Variants in SUPT3H observed in about 807,000 individuals in gnomAD.
SUPT3H encodes transcription initiation protein SPT3 homolog.
SUPT3H carries 44 observed loss-of-function variants against 44.3 expected under a neutral mutation model. That is an observed-to-expected ratio of 0.99 (90% CI 0.78 to 1.28). The LOEUF (loss-of-function observed/expected upper bound fraction) is 1.28, where lower values mean the gene tolerates loss of function less well. SUPT3H is among the 50% of genes most tolerant of loss of function. SUPT3H has a pLI of 0.00. For synonymous variants in SUPT3H, 124 were observed against 125.6 expected (o/e 0.99, Z 0.09); for missense variants, 380 against 387.1 (o/e 0.98, Z 0.15).
chr6:45,315,028 A>G (rs140971457), intron 2 of SUPT3H, among the ~76,000 whole-genome samples: 2 of 152,244 alleles, frequency 1.3e-5, no homozygotes, highest in Admixed American at 1.3e-4. Context: ...ACAAAAACAT[A>G]AAGTGGGGAA....
chr6:45,161,868 T>A (rs1193930967), intron 2 of SUPT3H, among the ~76,000 whole-genome samples: 1 of 152,172 alleles, frequency 6.6e-6, no homozygotes, highest in East Asian at 1.9e-4. Flanking sequence ...AATTCAAATG[T>A]CTTTATCACT....
chr6:44,948,316 G>A (rs1174702138), intron 9 of SUPT3H, among the ~76,000 whole-genome samples: 4 of 152,146 alleles, frequency 2.6e-5, no homozygotes, highest in Non-Finnish European at 5.9e-5. Context: ...ATACCATTCA[G>A]GACATAGGCA....
At chr6:45,077,179 A>G (rs1484259078) in intron 3 of SUPT3H, among the ~76,000 whole-genome samples, 1 of 152,050 alleles carries the variant, frequency 6.6e-6, no homozygotes, top group African/African-American at 2.4e-5. Context: ...CCCTTTTTGA[A>G]CCACTGTGAC....
chr6:45,283,283 A>G (rs956650693), intron 2 of SUPT3H, among the ~76,000 whole-genome samples: 1 of 152,196 alleles, frequency 6.6e-6, no homozygotes, highest in African/African-American at 2.4e-5. Flanking sequence ...TAAAAGACAC[A>G]CACTGCCAAA....
intron 2 of SUPT3H, among the ~76,000 whole-genome samples, chr6:45,364,029 C>T (rs544919076): frequency 6.6e-6 from 1 of 151,756 alleles, no homozygotes; most frequent in African/African-American, 2.4e-5. Context: ...GCAGGAAAAT[C>T]GCTTCAACCT....
rs1017280654 is a variant in SUPT3H at position 44,826,915 on chromosome 6, C to A, written c.*2901G>T. On this transcript the variant is annotated 3_prime_UTR_variant, in exon 11 of 11. Coordinates refer to ENST00000371459, the MANE Select transcript of SUPT3H (RefSeq NM_003599.4). ...TTCTGATGGTTTTCAAATAAAAAGT[C>A]TTGGTTTTAAAATTGAAACAGTATT... 6.6e-6 allele frequency among the ~76,000 whole-genome samples: 1 copy of A among 152,106 alleles called. No homozygotes were observed. Among genetic ancestry groups the A allele is most frequent in the South Asian group, 2.1e-4 (1 of 4,830 alleles).
chr6:45,270,310 T>C (rs1472527299), intron 2 of SUPT3H, among the ~76,000 whole-genome samples: 6 of 151,136 alleles, frequency 4.0e-5, no homozygotes, highest in Non-Finnish European at 8.9e-5. Context: ...AAAAAAAAAG[T>C]GGTTGACAGA....
rs60921436 is a variant in SUPT3H at position 45,296,738 on chromosome 6, C to CAAAA, written c.101+68459_101+68462dup. On this transcript the variant is annotated intron_variant, in intron 2 of 10. Coordinates refer to ENST00000371459, the MANE Select transcript of SUPT3H (RefSeq NM_003599.4). ...TGGCCAACAGAGTAAGACTCTGTCT[C>CAAAA]AAAAAAAAAAAAAAAAAAAAAAAAA... Among the ~76,000 whole-genome samples the CAAAA allele has an allele frequency of 9.1e-4, 27 of 29,694 alleles. 1 individual carries two copies. The highest frequency in any genetic ancestry group is 3.1e-3 in the South Asian group (1 of 322). 19.5% of individuals were successfully genotyped at this position (29,694 alleles called of 152,430 possible).
chr6:45,033,717 C>G (rs932630743), intron 3 of SUPT3H, among the ~76,000 whole-genome samples: 3 of 152,046 alleles, frequency 2.0e-5, no homozygotes, highest in African/African-American at 7.2e-5. Flanking sequence ...GGAAGCCAGA[C>G]TATATTAAGG....
At chr6:45,218,370 G>T (rs1378216477) in intron 2 of SUPT3H, among the ~76,000 whole-genome samples, 1 of 151,996 alleles carries the variant, frequency 6.6e-6, no homozygotes, top group Non-Finnish European at 1.5e-5. Flanking sequence ...TGATAGAGCT[G>T]GAAAAAAAAT....
chr6:45,306,424 C>T (rs958831453), intron 2 of SUPT3H, among the ~76,000 whole-genome samples: 6 of 152,118 alleles, frequency 3.9e-5, no homozygotes, highest in African/African-American at 7.2e-5. Context: ...CTAAAATCAA[C>T]CTCGGCTGGC....
In SUPT3H at chr6:45,061,141, G is replaced by A. The variant is rs1308145041; in HGVS notation, c.187-40509C>T. On this transcript the variant is annotated intron_variant, in intron 3 of 10. Transcript: ENST00000371459. The stretch of plus-strand genomic sequence containing the variant: ...AAATCATTCAATTATAAAGATACAT[G>A]CATGTTTATGTTCACTGCAGCACTA... Among the ~76,000 whole-genome samples the A allele has an allele frequency of 2.0e-5, 3 of 152,048 alleles. 1 individual carries two copies. The highest frequency in any genetic ancestry group is 4.1e-4 in the South Asian group (2 of 4,822).
At chr6:45,102,162 A>G (rs1187683851) in intron 3 of SUPT3H, among the ~76,000 whole-genome samples, 1 of 152,184 alleles carries the variant, frequency 6.6e-6, no homozygotes, top group Non-Finnish European at 1.5e-5. Flanking sequence ...TAATATTATA[A>G]AAACTAACAA....
At position 45,096,235 on chromosome 6, in the gene SUPT3H, T is replaced by C. The variant is rs546727392; in HGVS notation, c.186+9687A>G. ...CCAATATTCAATCATTTATAGCCTG[T>C]AAATATGTCAATTTCATTTGGTTCA... On this transcript the variant is annotated intron_variant, in intron 3 of 10. Coordinates refer to ENST00000371459, the MANE Select transcript of SUPT3H (RefSeq NM_003599.4). Among the ~76,000 whole-genome samples, 19 of 152,300 alleles carry C rather than the reference T, an allele frequency of 1.2e-4. 1 individual carries two copies. In the South Asian group the frequency reaches 3.9e-3, roughly 32 times the overall value.
At chr6:45,335,776 C>T (rs981850604) in intron 2 of SUPT3H, among the ~76,000 whole-genome samples, 4 of 151,204 alleles carry the variant, frequency 2.6e-5, no homozygotes, top group Non-Finnish European at 4.5e-5. Flanking sequence ...ACAACAGCAT[C>T]TTAACATTAG....
chr6:44,844,279 T>C (rs949270616), intron 10 of SUPT3H, among the ~76,000 whole-genome samples: 3 of 152,096 alleles, frequency 2.0e-5, no homozygotes, highest in Non-Finnish European at 4.4e-5. Flanking sequence ...CAAGTAACCA[T>C]AAAAATTCTA....
intron 10 of SUPT3H, among the ~76,000 whole-genome samples, chr6:44,911,074 A>C (rs1194036170): frequency 6.8e-6 from 1 of 146,694 alleles, no homozygotes; most frequent in Non-Finnish European, 1.5e-5. Flanking sequence ...GTTTTTGATG[A>C]GTTTTTTTTT....
chr6:45,106,362 G>T (rs530186741), intron 2 of SUPT3H, among the ~76,000 whole-genome samples: 1 of 152,164 alleles, frequency 6.6e-6, no homozygotes, highest in African/African-American at 2.4e-5. Flanking sequence ...AGCCCAGGAG[G>T]CAGAAGTTGC....
chr6:45,173,307 C>T (rs1000008091), intron 2 of SUPT3H, among the ~76,000 whole-genome samples: 1 of 152,164 alleles, frequency 6.6e-6, no homozygotes, highest in African/African-American at 2.4e-5. Context: ...TCAAAGGTAA[C>T]GTGGTAACCA....
Sources: gnomAD v4.1 joint callset for allele counts (sites outside exome capture counted in the v4.1 genomes callset) on GRCh38, gnomAD v4.1.1 for gene constraint, MANE v1.5 for transcripts, NCBI Gene and HGNC (gene_info 2026-07-23, HGNC 2026-07-21) for gene names.